Variants in HHAT observed in about 807,000 individuals in gnomAD.
HHAT encodes hedgehog acyltransferase.
In HHAT, 47 loss-of-function variants were observed where a neutral mutation model predicts 70.8. The observed-to-expected ratio is 0.66, with a 90% CI of 0.53 to 0.85. HHAT has a LOEUF of 0.85. HHAT is among the 40% of genes least tolerant of loss of function. The pLI is 0.00. For synonymous variants in HHAT, 228 were observed against 247.6 expected (o/e 0.92, Z 0.74); for missense variants, 609 against 604.8 (o/e 1.01, Z -0.07).
Position 210,348,998 on chromosome 1 carries a change from C to CATGGGAACCCGATGGGA in HHAT, c.24_25insTGGGAACCCGATGGGAA (p.Leu9TrpfsTer13). On this transcript the variant is annotated frameshift_variant, in exon 2 of 12. Transcript: ENST00000261458. LOFTEE classifies it high-confidence loss of function. The stretch of plus-strand genomic sequence containing the variant: ...GCCATGCTGCCCCGATGGGAACTGG[C>CATGGGAACCCGATGGGA]ACTTTACCTACTTGCCTCACTAGGC... 9 of 1,614,002 alleles carry CATGGGAACCCGATGGGA rather than the reference C, an allele frequency of 5.6e-6. No homozygotes were observed. The highest frequency in any genetic ancestry group is 6.8e-6 in the Non-Finnish European group (8 of 1,179,926).
intron 1 of HHAT, among the ~76,000 whole-genome samples, chr1:210,341,520 G>C (rs1441481786): frequency 6.6e-6 from 1 of 152,120 alleles, no homozygotes; most frequent in Non-Finnish European, 1.5e-5. Context: ...TGGGAATTTT[G>C]GTTCTAATTT....
chr1:210,546,061 A>G (rs1558134917), intron 9 of HHAT, among the ~76,000 whole-genome samples: 1 of 152,288 alleles, frequency 6.6e-6, no homozygotes, highest in East Asian at 1.9e-4. Flanking sequence ...TCTACTTAAC[A>G]TTTAGTCTAA....
chr1:210,626,025 G>A (rs1014097894), intron 11 of HHAT, among the ~76,000 whole-genome samples: 5 of 152,220 alleles, frequency 3.3e-5, no homozygotes, highest in Admixed American at 2.0e-4. Context: ...AAATGCCCAA[G>A]AGGCAGTTGG....
intron 3 of HHAT, among the ~76,000 whole-genome samples, chr1:210,380,887 CA>C (rs1322120798): frequency 1.3e-5 from 2 of 151,870 alleles, no homozygotes; most frequent in African/African-American, 4.8e-5. Flanking sequence ...GAAGGGTGGA[CA>C]GGGGGACAGG....
At chr1:210,659,267 C>T (rs1677127702) in intron 11 of HHAT, among the ~76,000 whole-genome samples, 1 of 152,166 alleles carries the variant, frequency 6.6e-6, no homozygotes, top group Non-Finnish European at 1.5e-5. Flanking sequence ...ACCACTGATT[C>T]CACAGAAATA....
chr1:210,514,648 G>A (rs2095023235), intron 9 of HHAT, among the ~76,000 whole-genome samples: 1 of 152,154 alleles, frequency 6.6e-6, no homozygotes, highest in South Asian at 2.1e-4. Context: ...AACTTGTATA[G>A]GATCAACCTT....
chr1:210,651,268 A>G (rs544195668), intron 11 of HHAT, among the ~76,000 whole-genome samples: 1 of 152,306 alleles, frequency 6.6e-6, no homozygotes, highest in South Asian at 2.1e-4. Flanking sequence ...TGGGAGTTAG[A>G]TGGCATATCT....
chr1:210,514,818 A>G (rs1289890008), intron 9 of HHAT, among the ~76,000 whole-genome samples: 1 of 152,250 alleles, frequency 6.6e-6, no homozygotes, highest in Non-Finnish European at 1.5e-5. Flanking sequence ...TGTCACTTGC[A>G]AAAACAGACA....
intron 8 of HHAT, among the ~76,000 whole-genome samples, chr1:210,505,353 T>C (rs1458252106): frequency 2.0e-5 from 3 of 152,126 alleles, no homozygotes; most frequent in Non-Finnish European, 4.4e-5. Flanking sequence ...AGATGTTGCT[T>C]GAGACTGAGA....
intron 8 of HHAT, among the ~76,000 whole-genome samples, chr1:210,492,209 C>T (rs929687792): frequency 6.6e-6 from 1 of 152,158 alleles, no homozygotes; most frequent in African/African-American, 2.4e-5. Context: ...GACTCTTTTA[C>T]TCTGAACAGC....
chr1:210,582,029 A>G (rs140224038), intron 9 of HHAT, among the ~76,000 whole-genome samples: 2 of 152,336 alleles, frequency 1.3e-5, no homozygotes, highest in South Asian at 2.1e-4. Flanking sequence ...AAGCTGTTCA[A>G]TCAGTGGAAC....
chr1:210,675,643 G>A lies in HHAT; in HGVS notation c.*1264G>A, dbSNP rs1387294966. 1 of 152,186 alleles carries A rather than the reference G, an allele frequency of 6.6e-6. No homozygotes were observed. The highest frequency in any genetic ancestry group is 1.5e-5 in the Non-Finnish European group (1 of 68,036). The allele number at this position is 152,186 out of a possible 1,614,324, so 9.4% of individuals were successfully genotyped here. A position where few individuals can be genotyped will look rare whatever the true frequency, so the allele number is the denominator to read the frequency against. ...GTTTATTACATAGCATGGCCCTTAT[G>A]TCTTGAGTTGAGGTTATCATCTCAA... On this transcript the variant is annotated 3_prime_UTR_variant, in exon 12 of 12. Coordinates refer to ENST00000261458, the MANE Select transcript of HHAT (RefSeq NM_018194.6).
chr1:210,461,236 C>G (rs572620245), intron 7 of HHAT, among the ~76,000 whole-genome samples: 3 of 152,262 alleles, frequency 2.0e-5, no homozygotes, highest in African/African-American at 7.2e-5. Flanking sequence ...GAAACTTAGA[C>G]CAAATCTTAA....
rs1177468677 is a variant in HHAT at position 210,502,383 on chromosome 1, C to CA, written c.1008-10751dup. On this transcript the variant is annotated intron_variant, in intron 8 of 11. Transcript: ENST00000261458. ...TGGGCAAAAGAGCAAGACTCAGTCT[C>CA]AAAAAAAAAAAAAAAAAAATCTTTC... Among the ~76,000 whole-genome samples the CA allele has an allele frequency of 1.6e-3, 142 of 86,978 alleles. 6 individuals are homozygous for CA. Among genetic ancestry groups the CA allele is most frequent in the Middle Eastern group, 0.014 (2 of 146 alleles). 57.1% of individuals were successfully genotyped at this position (86,978 alleles called of 152,430 possible). A position where few individuals can be genotyped will look rare whatever the true frequency, so the allele number is the denominator to read the frequency against.
At chr1:210,369,244 T>C (rs1350219429) in intron 3 of HHAT, among the ~76,000 whole-genome samples, 1 of 152,172 alleles carries the variant, frequency 6.6e-6, no homozygotes, top group African/African-American at 2.4e-5. Flanking sequence ...TTCTGTTCTT[T>C]CCTGAGGACA....
intron 4 of HHAT, among the ~76,000 whole-genome samples, chr1:210,389,691 C>T (rs1271205089): frequency 6.6e-6 from 1 of 152,202 alleles, no homozygotes; most frequent in East Asian, 1.9e-4. Context: ...AGTCATGCTT[C>T]CTGTTAAGTC....
intron 8 of HHAT, among the ~76,000 whole-genome samples, chr1:210,497,367 C>T (rs572676970): frequency 1.3e-5 from 2 of 152,262 alleles, no homozygotes; most frequent in South Asian, 4.2e-4. Flanking sequence ...AGATCCTAAG[C>T]AGGCTAGAAG....
intron 11 of HHAT, among the ~76,000 whole-genome samples, chr1:210,648,685 C>G (rs914735818): frequency 6.6e-6 from 1 of 152,212 alleles, no homozygotes; most frequent in African/African-American, 2.4e-5. Flanking sequence ...CACGCATTCT[C>G]CAGAACATGC....
intron 11 of HHAT, among the ~76,000 whole-genome samples, chr1:210,650,832 T>C (rs1003766369): frequency 6.6e-6 from 1 of 152,254 alleles, no homozygotes; most frequent in Non-Finnish European, 1.5e-5. Flanking sequence ...GGCAGGCCTA[T>C]AATTTATGAA....
Sources: gnomAD v4.1 joint callset for allele counts (sites outside exome capture counted in the v4.1 genomes callset) on GRCh38, gnomAD v4.1.1 for gene constraint, MANE v1.5 for transcripts, NCBI Gene and HGNC (gene_info 2026-07-23, HGNC 2026-07-21) for gene names.